PLPBP: variants seen among roughly 807,000 people sequenced by gnomAD.
The protein encoded by PLPBP is pyridoxal phosphate binding protein, also known as pyridoxal phosphate homeostasis protein.
In PLPBP, 21 loss-of-function variants were observed where a neutral mutation model predicts 31.2. The ratio of observed to expected loss-of-function variants is 0.67; its 90% CI spans 0.48 to 0.97. The LOEUF is 0.97. PLPBP is among the 50% of genes least tolerant of loss of function. PLPBP has a pLI of 0.00. For synonymous variants in PLPBP, 124 were observed against 135.6 expected, an observed-to-expected ratio of 0.91 and a Z score of 0.59; for missense variants, 308 against 354.4, an observed-to-expected ratio of 0.87 and a Z score of 1.05.
Position 37,765,517 on chromosome 8 carries a change from T to G in PLPBP, c.100-9T>G, listed in dbSNP as rs762314035. On this transcript the variant is annotated splice_polypyrimidine_tract_variant and intron_variant, in intron 1 of 7. Transcript: ENST00000328195. Reference sequence around the variant, plus strand: ...ACATTCACTCATATGGCTCTTTCCCTCTTGGCAGGATCTCCCAGCCATCCA... The same window carrying G: ...ACATTCACTCATATGGCTCTTTCCCGCTTGGCAGGATCTCCCAGCCATCCA... 10 of 1,612,440 alleles carry G rather than the reference T, an allele frequency of 6.2e-6. No individual in the cohort carries two copies. Among genetic ancestry groups the G allele is most frequent in the Non-Finnish European group, 7.6e-6 (9 of 1,178,922 alleles).
chr8:37,774,207 T>C (rs1212391360), intron 5 of PLPBP, among the ~76,000 whole-genome samples: 1 of 151,836 alleles, frequency 6.6e-6, no homozygotes, highest in Admixed American at 6.6e-5. Context: ...TTAGACTCCA[T>C]CTCAAAAAAA....
rs767795673 is a variant in PLPBP, at chr8:37,765,634, G to A, written c.207+1G>A. ...GCAGCGCACTTTTGGCGAGAACTAC[G>A]TAAGAGCCCTTTCCTGAAGCCCTTT... On this transcript the variant is annotated splice_donor_variant, in intron 2 of 7. Coordinates refer to ENST00000328195, the MANE Select transcript of PLPBP (RefSeq NM_007198.4). LOFTEE classifies it high-confidence loss of function. The A allele has an allele frequency of 4.6e-5, 74 of 1,614,076 alleles. No individual in the cohort carries two copies. In the Admixed American group the frequency reaches 8.7e-4, roughly 19 times the overall value.
At position 37,779,630 on chromosome 8, in the gene PLPBP, A is replaced by G. The variant is rs540491790; in HGVS notation, c.*1526A>G. ...ATGATGCTGCCAAATGTACTTTTGT[A>G]AACTTAAACATTATGATTCCTGTAT... is the stretch of plus-strand genomic sequence containing the variant. On this transcript the variant is annotated 3_prime_UTR_variant, in exon 8 of 8. Transcript: ENST00000328195. 20 of 152,792 alleles carry G rather than the reference A, an allele frequency of 1.3e-4. 1 individual carries two copies. The South Asian group carries it at 3.9e-3, about 30-fold the overall frequency. The allele number at this position is 152,792 out of a possible 1,614,324, so 9.5% of individuals were successfully genotyped here. A position where few individuals can be genotyped will look rare whatever the true frequency, so the allele number is the denominator to read the frequency against.
In PLPBP at chr8:37,765,509, T is replaced by C; in HGVS notation, c.100-17T>C. On this transcript the variant is annotated splice_polypyrimidine_tract_variant and intron_variant, in intron 1 of 7. Transcript: ENST00000328195. ...GTTCCCAAACATTCACTCATATGGC[T>C]CTTTCCCTCTTGGCAGGATCTCCCA... 5 of 1,610,132 alleles carry C rather than the reference T, an allele frequency of 3.1e-6. No individual in the cohort carries two copies. Among genetic ancestry groups the C allele is most frequent in the Non-Finnish European group, 4.2e-6 (5 of 1,177,118 alleles).
chr8:37,772,082 C>A (rs1025195166), intron 4 of PLPBP, among the ~76,000 whole-genome samples: 1 of 152,218 alleles, frequency 6.6e-6, no homozygotes, highest in African/African-American at 2.4e-5. Context: ...AGTTCTATAT[C>A]CAAGCTTTGT....
chr8:37,778,065 A>C lies in PLPBP; in HGVS notation c.789A>C (p.Ala263=), dbSNP rs1181470602. 1 of 1,613,828 alleles carries C rather than the reference A, an allele frequency of 6.2e-7. No homozygotes were observed. Among genetic ancestry groups the C allele is most frequent in the Admixed American group, 1.7e-5 (1 of 60,018 alleles). ...AACCCACCCCGGACAAGTGCGCAGCAGACGTGAAGGCCCCGCTGGAGGTGG... is the reference window on the plus strand; with the variant it reads ...AACCCACCCCGGACAAGTGCGCAGCCGACGTGAAGGCCCCGCTGGAGGTGG... ...SKKPTPDKCA[A]DVKAPLEVAQ... The change falls in exon 8 of 8, where the codon GCA becomes GCC. Residue 263 remains alanine, a synonymous_variant. Transcript: ENST00000328195.
intron 5 of PLPBP, 93 bp downstream of exon 5, chr8:37,772,982 G>A (rs949445529): frequency 4.7e-6 from 7 of 1,504,290 alleles, no homozygotes; most frequent in African/African-American, 1.4e-5. Flanking sequence ...GATGGATAAG[G>A]TTATAGAAAC....
intron 5 of PLPBP, among the ~76,000 whole-genome samples, chr8:37,774,312 G>GTT (rs1803848389): frequency 1.3e-5 from 2 of 152,180 alleles, no homozygotes; most frequent in African/African-American, 4.8e-5. Flanking sequence ...AGAAGCATGG[G>GTT]CTTTGAAATC....
rs529961190 is a variant in PLPBP at position 37,767,045 on chromosome 8, C to T, written c.319+690C>T. ...CTAGGTAACAGAGCAAGACTTCATC[C>T]CAAAAAAAAAAAAAAAAAAAAAAAC... On this transcript the variant is annotated intron_variant, in intron 4 of 7. Transcript: ENST00000328195. Among the ~76,000 whole-genome samples the T allele has an allele frequency of 7.0e-4, 60 of 85,264 alleles. No homozygotes were observed. In the South Asian group the frequency reaches 0.016, roughly 22 times the overall value. 55.9% of individuals were successfully genotyped at this position (85,264 alleles called of 152,430 possible).
chr8:37,775,476 TTCCAGGTACTGGGGGG>T lies in PLPBP; in HGVS notation c.595_597+13del. ...TCTTAGTCAAGGACCAAATCCAGAC[TTCCAGGTACTGGGGGG>T]TCGGGGAGATTGCTCGTGTGCTAAA... On this transcript the variant is annotated splice_donor_variant and splice_donor_5th_base_variant and coding_sequence_variant and intron_variant, in exon 6 of 8. Transcript: ENST00000328195. LOFTEE classifies it high-confidence loss of function. 2 of 1,613,936 alleles carry T rather than the reference TTCCAGGTACTGGGGGG, an allele frequency of 1.2e-6. No homozygotes were observed. Among genetic ancestry groups the T allele is most frequent in the Non-Finnish European group, 1.7e-6 (2 of 1,180,016 alleles).
chr8:37,765,165 T>C (rs1258565158), intron 1 of PLPBP, among the ~76,000 whole-genome samples: 4 of 151,780 alleles, frequency 2.6e-5, no homozygotes, highest in African/African-American at 9.7e-5. Flanking sequence ...GCAACAAGAG[T>C]GAAACTCTGT....
intron 5 of PLPBP, among the ~76,000 whole-genome samples, chr8:37,774,382 C>G (rs1293245119): frequency 1.3e-5 from 2 of 152,152 alleles, no homozygotes; most frequent in Non-Finnish European, 2.9e-5. Context: ...GATAAGTTAC[C>G]TAATCTCTCT....
At chr8:37,769,236 T>G (rs936517740) in intron 4 of PLPBP, among the ~76,000 whole-genome samples, 1 of 152,060 alleles carries the variant, frequency 6.6e-6, no homozygotes, top group African/African-American at 2.4e-5. Flanking sequence ...CCTGGGAGGC[T>G]GAGGTAGGAC....
At chr8:37,772,609 C>A in intron 4 of PLPBP, 146 bp from the exon 5 acceptor site, 2 of 946,638 alleles carry the variant, frequency 2.1e-6, no homozygotes, top group East Asian at 2.6e-5. Context: ...AAAACTGTCA[C>A]ATTTGTCTTC....
intron 5 of PLPBP, among the ~76,000 whole-genome samples, chr8:37,773,219 G>C (rs1047919308): frequency 6.6e-6 from 1 of 151,976 alleles, no homozygotes; most frequent in Non-Finnish European, 1.5e-5. Context: ...CCAGGCTGGA[G>C]TGCAATGGTG....
At chr8:37,769,246 C>T (rs767594134) in intron 4 of PLPBP, among the ~76,000 whole-genome samples, 5 of 151,984 alleles carry the variant, frequency 3.3e-5, no homozygotes, top group East Asian at 1.9e-4. Flanking sequence ...TGAGGTAGGA[C>T]GATCACCTGA....
At chr8:37,777,079 T>C (rs1392930545) in intron 7 of PLPBP, among the ~76,000 whole-genome samples, 3 of 152,220 alleles carry the variant, frequency 2.0e-5, no homozygotes, top group African/African-American at 7.2e-5. Flanking sequence ...GGCTTAATCT[T>C]ATGTGTAGAT....
At chr8:37,765,478 G>A in intron 1 of PLPBP, 48 bp from the exon 2 acceptor site, 1 of 1,528,748 alleles carries the variant, frequency 6.5e-7, no homozygotes, top group Non-Finnish European at 9.1e-7. Context: ...GATTCATTGG[G>A]GTACTGTTCC....
intron 1 of PLPBP, among the ~76,000 whole-genome samples, chr8:37,763,867 G>A (rs1803548185): frequency 6.6e-6 from 1 of 152,154 alleles, no homozygotes; most frequent in Admixed American, 6.5e-5. Context: ...GAAAACTTCA[G>A]GGGATGATGG....
Sources: gnomAD v4.1 joint callset for allele counts (sites outside exome capture counted in the v4.1 genomes callset) on GRCh38, gnomAD v4.1.1 for gene constraint, MANE v1.5 for transcripts, NCBI Gene and HGNC (gene_info 2026-07-23, HGNC 2026-07-21) for gene names.